Variants in ALDH3A2 observed in about 807,000 individuals in gnomAD.
ALDH3A2 encodes aldehyde dehydrogenase family 3 member A2.
ALDH3A2 carries 36 observed loss-of-function variants against 51.3 expected under a neutral mutation model. The observed-to-expected ratio is 0.70, with a 90% CI of 0.54 to 0.93. The LOEUF (loss-of-function observed/expected upper bound fraction) is 0.93, where lower values mean the gene tolerates loss of function less well. ALDH3A2 is among the 40% of genes least tolerant of loss of function. The pLI is 0.00. For missense variants in ALDH3A2, 552 were observed against 603.1 expected (o/e 0.92, Z 0.89); for synonymous variants, 199 against 219.8 (o/e 0.91, Z 0.84).
At chr17:19,671,666 A>T in intron 8 of ALDH3A2, 55 bp from the exon 9 acceptor site, 20 of 1,484,586 alleles carry the variant, frequency 1.3e-5, no homozygotes, top group Non-Finnish European at 1.8e-5. Flanking sequence ...TGTTAGACAG[A>T]AGTAGCTTGC....
Position 19,675,603 on chromosome 17 carries a change from C to T in ALDH3A2, c.*31C>T. 6.2e-7 allele frequency: 1 copy of T among 1,602,870 alleles called. No homozygotes were observed. The highest frequency in any genetic ancestry group is 1.3e-5 in the African/African-American group (1 of 74,826). On this transcript the variant is annotated 3_prime_UTR_variant, in exon 10 of 10. Coordinates refer to ENST00000176643, the MANE Select transcript of ALDH3A2 (RefSeq NM_000382.3). ...GATCCTGTTCAACCTCCTAGTGCCT[C>T]TACTGAATTATTCCTCTTTTAAATG...
rs145353907 is a variant in ALDH3A2 at position 19,659,232 on chromosome 17, A to G, written c.798+1370A>G. Among the ~76,000 whole-genome samples the G allele has an allele frequency of 6.7e-3, 1,019 of 152,214 alleles. 7 individuals carry two copies. The highest frequency in any genetic ancestry group is 0.022 in the African/African-American group (929 of 41,520). On this transcript the variant is annotated intron_variant, in intron 5 of 9. Coordinates refer to ENST00000176643, the MANE Select transcript of ALDH3A2 (RefSeq NM_000382.3). ...GGTAACGGAATGAGATTTTATCTCA[A>G]AAGAAAAAAAGATATGAAAATTGTC...
chr17:19,648,820 G>A lies in ALDH3A2; in HGVS notation c.-152G>A, dbSNP rs998502015. The A allele has an allele frequency of 1.8e-6, 2 of 1,089,220 alleles. No individual in the cohort carries two copies. Among genetic ancestry groups the A allele is most frequent in the African/African-American group, 3.1e-5 (2 of 64,398 alleles). The allele number at this position is 1,089,220 out of a possible 1,614,324, so 67.5% of individuals were successfully genotyped here. A position where few individuals can be genotyped will look rare whatever the true frequency, so the allele number is the denominator to read the frequency against. On this transcript the variant is annotated 5_prime_UTR_variant, in exon 1 of 10. Transcript: ENST00000176643. Reference sequence around the variant, plus strand: ...GTGGAGGTCGCGGCTGAGCGAGCGAGCCCTGGGCGAGTGAATTGTGGCTGT... The same window carrying A: ...GTGGAGGTCGCGGCTGAGCGAGCGAACCCTGGGCGAGTGAATTGTGGCTGT...
At chr17:19,653,704 G>GAGC (rs1047042319) in intron 3 of ALDH3A2, among the ~76,000 whole-genome samples, 17 of 152,188 alleles carry the variant, frequency 1.1e-4, no homozygotes, top group African/African-American at 3.9e-4. Flanking sequence ...GACCCAGAGT[G>GAGC]AGCAGCAGCA....
chr17:19,658,069 T>G, intron 5 of ALDH3A2, among the ~76,000 whole-genome samples: 1 of 152,268 alleles, frequency 6.6e-6, no homozygotes, highest in East Asian at 1.9e-4. Flanking sequence ...TTAAATCTAC[T>G]TAAACTGTCT....
At chr17:19,662,986 C>G (rs2084986625) in intron 6 of ALDH3A2, among the ~76,000 whole-genome samples, 1 of 151,818 alleles carries the variant, frequency 6.6e-6, no homozygotes, top group African/African-American at 2.4e-5. Flanking sequence ...GCCTGGGCAA[C>G]AAGGGCGAAA....
intron 5 of ALDH3A2, among the ~76,000 whole-genome samples, chr17:19,659,102 GCAC>G (rs2084934791): frequency 6.6e-6 from 1 of 151,768 alleles, no homozygotes. Context: ...ATGGTGGCAC[GCAC>G]CTATAATTCT....
Position 19,654,901 on chromosome 17 carries a change from A to C in ALDH3A2, c.472-1465A>C, listed in dbSNP as rs1455725946. Among the ~76,000 whole-genome samples, 3 of 152,214 alleles carry C rather than the reference A, an allele frequency of 2.0e-5. No homozygotes were observed. Among genetic ancestry groups the C allele is most frequent in the African/African-American group, 7.2e-5 (3 of 41,466 alleles). ...GCCTATAAGAGTACTTCTGCTTTCA[A>C]AAAAGACATGTCTGTGGCATGAAAA... On this transcript the variant is annotated intron_variant, in intron 3 of 9. Transcript: ENST00000176643. This position sits in a 1 kb window ranked among gnomAD's most constrained non-coding sequence, Gnocchi z 4.5.
At chr17:19,658,229 C>A (rs2152328949) in intron 5 of ALDH3A2, among the ~76,000 whole-genome samples, 1 of 152,248 alleles carries the variant, frequency 6.6e-6, no homozygotes, top group South Asian at 2.1e-4. Flanking sequence ...TGAAGGTTAT[C>A]AGTTTTTGTG....
chr17:19,663,751 GTTTTTGA>G lies in ALDH3A2; in HGVS notation c.1107+255_1107+261del, dbSNP rs564826526. On this transcript the variant is annotated intron_variant, in intron 7 of 9. Transcript: ENST00000176643. Reference sequence around the variant, plus strand: ...AGTCTGCAGGGTTGAGTGTCACAAGGTTTTTGATTCACAAACATCTCCTGTATAATTG... The same window carrying G: ...AGTCTGCAGGGTTGAGTGTCACAAGGTTCACAAACATCTCCTGTATAATTG... Among the ~76,000 whole-genome samples the G allele has an allele frequency of 1.5e-4, 23 of 152,250 alleles. No homozygotes were observed. The East Asian group carries it at 4.0e-3, about 27-fold the overall frequency.
At chr17:19,672,542 A>G (rs1267039815) in intron 9 of ALDH3A2, 2 of 174,252 alleles carry the variant, frequency 1.1e-5, no homozygotes, top group East Asian at 1.4e-4. Flanking sequence ...AGAGGCCCTC[A>G]TGATAGCTGC....
intron 5 of ALDH3A2, chr17:19,659,501 T>G (rs2084939695): frequency 6.6e-6 from 1 of 152,190 alleles, no homozygotes. Flanking sequence ...ATTGCATCAC[T>G]GTGCTCCAGC....
At chr17:19,652,494 A>G (rs369569375) in intron 2 of ALDH3A2, 53 bp from the exon 3 acceptor site, 4 of 1,355,848 alleles carry the variant, frequency 3.0e-6, no homozygotes, top group Non-Finnish European at 4.2e-6. Flanking sequence ...TCATTTTGGT[A>G]GCTATTAAAG....
At chr17:19,669,530 G>C (rs889749877) in intron 8 of ALDH3A2, among the ~76,000 whole-genome samples, 3 of 152,128 alleles carry the variant, frequency 2.0e-5, no homozygotes, top group African/African-American at 7.2e-5. Flanking sequence ...CCGTGGGCCA[G>C]TACCACAGTT....
Position 19,660,206 on chromosome 17 carries a change from C to T in ALDH3A2, c.799-921C>T, listed in dbSNP as rs2152329666. 1.3e-5 allele frequency among the ~76,000 whole-genome samples: 2 copies of T among 152,174 alleles called. 1 individual carries two copies. Among genetic ancestry groups the T allele is most frequent in the South Asian group, 4.2e-4 (2 of 4,808 alleles). ...AGTGGTTCTCAAGCTACATGTTACC[C>T]TAGTGAGCCATTTAAAAACAAGTTT... On this transcript the variant is annotated intron_variant, in intron 5 of 9. Transcript: ENST00000176643.
chr17:19,652,574 A>G lies in ALDH3A2; in HGVS notation c.413A>G (p.Glu138Gly). 6.2e-7 allele frequency: 1 copy of G among 1,614,056 alleles called. No individual in the cohort carries two copies. Among genetic ancestry groups the G allele is most frequent in the South Asian group, 1.1e-5 (1 of 91,082 alleles). The change falls in exon 3 of 10, where the codon GAA becomes GGA. Residue 138 changes from glutamate (E) to glycine (G), a missense_variant. Glu to Gly is a moderately conservative substitution (Grantham distance 98, BLOSUM62 -2). Transcript: ENST00000176643. ...AGNAVIIKPS[E>G]LSENTAKILA... The stretch of plus-strand genomic sequence containing the variant: ...AATGCTGTGATTATAAAGCCTTCTG[A>G]ACTGAGTGAAAATACAGCCAAGATC...
chr17:19,659,506 T>G (rs1353047062), intron 5 of ALDH3A2: 1 of 152,048 alleles, frequency 6.6e-6, no homozygotes, highest in Admixed American at 6.6e-5. Context: ...ATCACTGTGC[T>G]CCAGCCTGAG....
chr17:19,657,742 C>T lies in ALDH3A2; in HGVS notation c.681-3C>T, dbSNP rs1371817114. On this transcript the variant is annotated splice_polypyrimidine_tract_variant and splice_region_variant and intron_variant, in intron 4 of 9. Coordinates refer to ENST00000176643, the MANE Select transcript of ALDH3A2 (RefSeq NM_000382.3). The stretch of plus-strand genomic sequence containing the variant: ...ATAGCTGTTCTGGATGTTTTCCCCT[C>T]AGACGCATAACCTGGGGAAAATACA... 16 of 1,598,746 alleles carry T rather than the reference C, an allele frequency of 1.0e-5. No homozygotes were observed. Among genetic ancestry groups the T allele is most frequent in the Non-Finnish European group, 1.2e-5 (14 of 1,166,076 alleles).
At chr17:19,673,099 T>C in intron 9 of ALDH3A2, 1 of 1,612,752 alleles carries the variant, frequency 6.2e-7, no homozygotes, top group Non-Finnish European at 8.5e-7. Context: ...TATCCCAGCC[T>C]TAGTGGAATT....
Sources: gnomAD v4.1 joint callset for allele counts (sites outside exome capture counted in the v4.1 genomes callset) on GRCh38, gnomAD v4.1.1 for gene constraint, Gnocchi (gnomAD v3.1) non-coding constraint, MANE v1.5 for transcripts, NCBI Gene and HGNC (gene_info 2026-07-23, HGNC 2026-07-21) for gene names.